The following GEMIN8 variants were observed in gnomAD, a reference collection of about 807,000 sequenced individuals.
The protein encoded by GEMIN8 is gem nuclear organelle associated protein 8, also known as gem-associated protein 8.
For missense variants in GEMIN8, 185 were observed against 205.9 expected (o/e 0.90, Z 0.62); for synonymous variants, 80 against 78.5 (o/e 1.02, Z -0.10).
the GEMIN8 span, among the ~76,000 whole-genome samples, chrX:13,995,761 C>A: frequency 2.8e-4 from 31 of 111,704 alleles, no homozygotes; most frequent in African/African-American, 9.1e-4. Context: ...TTATAAGGAC[C>A]CTTGTGATGA....
downstream of GEMIN8, among the ~76,000 whole-genome samples, chrX:14,006,248 C>T (rs1362119880): frequency 2.7e-5 from 3 of 110,472 alleles, no homozygotes; most frequent in African/African-American, 9.9e-5. Context: ...AGGCTGGTCT[C>T]GAACTCCTGA....
intron 4 of GEMIN8, among the ~76,000 whole-genome samples, chrX:14,011,066 G>A (rs1344374080): frequency 1.8e-5 from 2 of 111,999 alleles, no homozygotes; most frequent in East Asian, 2.8e-4. Context: ...TCTTATTTCC[G>A]CAAGAGTTCT....
chrX:13,988,850 G>A, the GEMIN8 span: 2 of 104,381 alleles, frequency 1.9e-5, no homozygotes, highest in African/African-American at 7.1e-5. Flanking sequence ...GAAAGGGAAT[G>A]GAAAGAAAGG....
intron 4 of GEMIN8, among the ~76,000 whole-genome samples, chrX:14,016,629 G>A (rs961356117): frequency 5.6e-5 from 6 of 107,509 alleles, no homozygotes; most frequent in Non-Finnish European, 1.1e-4. Flanking sequence ...TGGATCACCT[G>A]AGGTCAGGAG....
In GEMIN8 at chrX:14,009,023, C is replaced by T. The variant is rs753453623; in HGVS notation, c.619G>A (p.Asp207Asn). Residue 207 changes from aspartate to asparagine, a missense_variant, in exon 5 of 5, where the codon GAC becomes AAC. By Grantham distance (23) the Asp-to-Asn change is conservative (BLOSUM62 1). Coordinates refer to ENST00000680255, the MANE Select transcript of GEMIN8 (RefSeq NM_001042479.2). ...ATGGCTTGGATCTTGGCAGCACTGT[C>T]CCCGTACAAACGCTTCATCTCGGCC... Reference protein sequence around the residue: ...RQAEMKRLYGDSAAKIQAMEA... With the variant: ...RQAEMKRLYGNSAAKIQAMEA... 8.3e-7 allele frequency: 1 copy of T among 1,211,802 alleles called. No homozygotes were observed. The highest frequency in any genetic ancestry group is 1.8e-5 in the South Asian group (1 of 56,998).
chrX:13,995,129 A>C, the GEMIN8 span, among the ~76,000 whole-genome samples: 1 of 111,447 alleles, frequency 9.0e-6, no homozygotes, highest in African/African-American at 3.3e-5. Flanking sequence ...TCTCTTCTTG[A>C]ATTTGTTAGC....
At chrX:13,992,037 C>T in the GEMIN8 span, among the ~76,000 whole-genome samples, 1 of 112,394 alleles carries the variant, frequency 8.9e-6, no homozygotes, top group Non-Finnish European at 1.9e-5. Flanking sequence ...CCACAGTACT[C>T]GTCTACTGGC....
chrX:14,001,350 T>A, the GEMIN8 span, among the ~76,000 whole-genome samples: 1 of 112,372 alleles, frequency 8.9e-6, no homozygotes, highest in Non-Finnish European at 1.9e-5. Context: ...ACAATTATTA[T>A]ACCTAACAAA....
At chrX:14,000,167 C>T in the GEMIN8 span, among the ~76,000 whole-genome samples, 848 of 110,368 alleles carry the variant, frequency 7.7e-3, 8 homozygotes, top group African/African-American at 0.026. Context: ...GGCATGGTGG[C>T]TCATGCCTAC....
At chrX:13,995,696 C>G in the GEMIN8 span, among the ~76,000 whole-genome samples, 1 of 111,258 alleles carries the variant, frequency 9.0e-6, no homozygotes, top group East Asian at 2.8e-4. Context: ...CCTTTCATTA[C>G]TCCAACCTCT....
At chrX:13,990,904 T>A in the GEMIN8 span, among the ~76,000 whole-genome samples, 124 of 111,823 alleles carry the variant, frequency 1.1e-3, 3 homozygotes, top group Admixed American at 4.4e-3. Flanking sequence ...AGCTAATTTA[T>A]TATCTTTTGT....
the GEMIN8 span, among the ~76,000 whole-genome samples, chrX:13,997,976 G>A: frequency 1.8e-5 from 2 of 108,357 alleles, no homozygotes; most frequent in Non-Finnish European, 3.8e-5. Context: ...TAATAGTCAC[G>A]ACGTATTTTT....
intron 2 of GEMIN8, among the ~76,000 whole-genome samples, chrX:14,021,831 T>TATATATATATATAGTATATATATACTG (rs1924360405): frequency 4.0e-5 from 2 of 50,454 alleles, no homozygotes; most frequent in South Asian, 1.7e-3. Context: ...TATATATATA[T>TATATATATATATAGTATATATATACTG]ATATATATAT....
intron 1 of GEMIN8, chrX:14,029,275 C>T (rs1461965573): frequency 8.9e-6 from 1 of 112,120 alleles, no homozygotes; most frequent in Admixed American, 9.4e-5. Flanking sequence ...AAGAAAGAAA[C>T]CCGAATTTTT....
chrX:14,024,429 G>A (rs1285252731), intron 2 of GEMIN8, among the ~76,000 whole-genome samples: 1 of 111,532 alleles, frequency 9.0e-6, no homozygotes, highest in Non-Finnish European at 1.9e-5. Flanking sequence ...AACCCAGGAA[G>A]TGGAGGTTGC....
the GEMIN8 span, among the ~76,000 whole-genome samples, chrX:13,998,886 A>G: frequency 8.9e-6 from 1 of 112,128 alleles, no homozygotes; most frequent in Non-Finnish European, 1.9e-5. Context: ...ATACCTTGTA[A>G]AGGCTGAATC....
At chrX:14,013,838 C>T (rs1398953504) in intron 4 of GEMIN8, 1 of 242,189 alleles carries the variant, frequency 4.1e-6, no homozygotes, top group Non-Finnish European at 5.7e-6. Flanking sequence ...GTTACAGCAG[C>T]CCTGGGAGGC....
chrX:14,000,126 G>A, the GEMIN8 span, among the ~76,000 whole-genome samples: 1 of 108,370 alleles, frequency 9.2e-6, no homozygotes, highest in Non-Finnish European at 1.9e-5. Context: ...GCAATATAGT[G>A]AGGCCCCATC....
the GEMIN8 span, among the ~76,000 whole-genome samples, chrX:13,997,543 G>T: frequency 9.0e-6 from 1 of 111,546 alleles, no homozygotes; most frequent in African/African-American, 3.3e-5. Context: ...ACTAAGTTTG[G>T]GGACGAGTTG....
Sources: allele counts gnomAD v4.1 joint callset (sites outside exome capture counted in the v4.1 genomes callset), GRCh38; gene constraint gnomAD v4.1.1; transcripts MANE v1.5; gene names NCBI Gene and HGNC (gene_info 2026-07-23, HGNC 2026-07-21).